SUGCT: variants seen among roughly 807,000 people sequenced by gnomAD.
The protein encoded by SUGCT is succinyl-CoA:glutarate-CoA transferase, also known as succinyl-CoA:glutarate CoA-transferase.
Under a neutral mutation model 55.0 loss-of-function variants are expected in SUGCT, and 41 were observed. The ratio of observed to expected loss-of-function variants is 0.74; its 90% CI spans 0.58 to 0.97. The LOEUF (loss-of-function observed/expected upper bound fraction) is 0.97. Among genes scored for constraint, SUGCT ranks in the 50% least tolerant of loss-of-function variants. SUGCT has a pLI of 0.00. For synonymous variants in SUGCT, 187 were observed against 200.4 expected (o/e 0.93, Z 0.56); for missense variants, 568 against 547.8 (o/e 1.04, Z -0.37).
intron 11 of SUGCT, among the ~76,000 whole-genome samples, chr7:40,481,494 G>A (rs991715036): frequency 6.6e-6 from 1 of 151,884 alleles, no homozygotes; most frequent in African/African-American, 2.4e-5. Context: ...TTGAGAGCCA[G>A]AAGTATTCTA....
At chr7:40,913,622 A>C in the SUGCT span, among the ~76,000 whole-genome samples, 2 of 152,210 alleles carry the variant, frequency 1.3e-5, no homozygotes, top group Admixed American at 1.3e-4. Context: ...TGACAACACA[A>C]GCATTTGTTC....
At chr7:40,308,357 ACGAAT>A (rs886358932) in intron 8 of SUGCT, among the ~76,000 whole-genome samples, 1 of 152,132 alleles carries the variant, frequency 6.6e-6, no homozygotes, top group Non-Finnish European at 1.5e-5. Flanking sequence ...GACCTAGTTG[ACGAAT>A]TAAGTATTAA....
chr7:40,930,083 G>T, the SUGCT span, among the ~76,000 whole-genome samples: 1 of 152,156 alleles, frequency 6.6e-6, no homozygotes, highest in Non-Finnish European at 1.5e-5. Context: ...AATCCATCTT[G>T]AATTAATTTT....
intron 9 of SUGCT, among the ~76,000 whole-genome samples, chr7:40,393,639 T>TAA (rs1383791786): frequency 6.6e-6 from 1 of 151,990 alleles, no homozygotes; most frequent in Non-Finnish European, 1.5e-5. Flanking sequence ...GTGTTGAAGA[T>TAA]AGAGGAGGGA....
At chr7:40,320,412 A>G (rs1035301932) in intron 9 of SUGCT, among the ~76,000 whole-genome samples, 12 of 152,120 alleles carry the variant, frequency 7.9e-5, no homozygotes, top group Non-Finnish European at 2.9e-5. Context: ...TTTAATGCAT[A>G]GATATGTTTC....
intron 12 of SUGCT, among the ~76,000 whole-genome samples, chr7:40,620,601 C>T (rs1455062092): frequency 6.6e-6 from 1 of 152,022 alleles, no homozygotes; most frequent in Non-Finnish European, 1.5e-5. Context: ...CGAGGTTTTG[C>T]CATGTTAGCC....
chr7:40,292,601 T>C (rs567963432), intron 8 of SUGCT, among the ~76,000 whole-genome samples: 4 of 152,208 alleles, frequency 2.6e-5, no homozygotes, highest in Non-Finnish European at 5.9e-5. Flanking sequence ...CAGGTCACAA[T>C]AGTAAAATGA....
At chr7:40,891,868 T>C in the SUGCT span, among the ~76,000 whole-genome samples, 5 of 151,840 alleles carry the variant, frequency 3.3e-5, no homozygotes, top group South Asian at 8.3e-4. Flanking sequence ...ATCAGCTGGG[T>C]GTGGTGGTGC....
rs544459065 is a variant in SUGCT at position 40,520,430 on chromosome 7, G to T, written c.1089+24044G>T. 2.6e-4 allele frequency among the ~76,000 whole-genome samples: 40 copies of T among 152,172 alleles called. 1 individual carries two copies. The South Asian group carries it at 7.7e-3, about 29-fold the overall frequency. The stretch of plus-strand genomic sequence containing the variant: ...CGTGAAGCTTAGCTTCATGGTTTAT[G>T]AAGTGGTGCAAATATCTATCTCCCA... On this transcript the variant is annotated intron_variant, in intron 12 of 13. Transcript: ENST00000335693.
intron 8 of SUGCT, among the ~76,000 whole-genome samples, chr7:40,282,869 A>C (rs556209238): frequency 2.2e-4 from 34 of 152,296 alleles, no homozygotes; most frequent in African/African-American, 7.9e-4. Flanking sequence ...CTATCTCTAA[A>C]TGTAAATAAA....
the SUGCT span, among the ~76,000 whole-genome samples, chr7:40,889,349 G>A: frequency 6.6e-6 from 1 of 152,212 alleles, no homozygotes; most frequent in Non-Finnish European, 1.5e-5. Context: ...TGAGGGTTAT[G>A]TGTTCTGTGG....
In SUGCT at chr7:40,695,656, T is replaced by G. The variant is rs1784896034; in HGVS notation, c.1090-53778T>G. ...ATATTACTGAGAGCTACAAAGGCTT[T>G]TTTTCAGACAGGTACAATTATTAGT... On this transcript the variant is annotated intron_variant, in intron 12 of 13. Transcript: ENST00000335693. Among the ~76,000 whole-genome samples, 3 of 152,320 alleles carry G rather than the reference T, an allele frequency of 2.0e-5. No homozygotes were observed. The South Asian group carries it at 6.2e-4, about 32-fold the overall frequency.
At chr7:40,818,989 A>G (rs970177677) in intron 13 of SUGCT, among the ~76,000 whole-genome samples, 5 of 136,766 alleles carry the variant, frequency 3.7e-5, no homozygotes, top group African/African-American at 1.4e-4. Flanking sequence ...CTTCCCACCT[A>G]TGAGCGAGAA....
At chr7:40,289,446 C>A (rs969597653) in intron 8 of SUGCT, among the ~76,000 whole-genome samples, 1 of 151,974 alleles carries the variant, frequency 6.6e-6, no homozygotes, top group East Asian at 1.9e-4. Flanking sequence ...TAAAATAGAG[C>A]AATTGTAACA....
At chr7:40,916,556 G>A in the SUGCT span, among the ~76,000 whole-genome samples, 5 of 152,336 alleles carry the variant, frequency 3.3e-5, no homozygotes, top group Admixed American at 3.3e-4. Flanking sequence ...ATAACATCAT[G>A]TGGGTAATAG....
chr7:40,897,625 G>A, the SUGCT span, among the ~76,000 whole-genome samples: 85 of 152,242 alleles, frequency 5.6e-4, no homozygotes, highest in African/African-American at 1.3e-3. Context: ...TTGTGTGGCC[G>A]TTGCAGTGGG....
intron 3 of SUGCT, among the ~76,000 whole-genome samples, chr7:40,186,778 A>G (rs1381678742): frequency 6.6e-6 from 1 of 152,182 alleles, no homozygotes; most frequent in East Asian, 1.9e-4. Context: ...ACTAGGGGAC[A>G]CGAGGCCAGG....
chr7:40,377,186 CTTTCTTTCTTTCTTTTCT>C lies in SUGCT; in HGVS notation c.816+60339_816+60356del, dbSNP rs1784612475. 3.7e-4 allele frequency among the ~76,000 whole-genome samples: 5 copies of C among 13,552 alleles called. 1 individual carries two copies. The highest frequency in any genetic ancestry group is 5.2e-4 in the African/African-American group (5 of 9,648). 8.9% of individuals were successfully genotyped at this position (13,552 alleles called of 152,430 possible). A position where few individuals can be genotyped will look rare whatever the true frequency, so the allele number is the denominator to read the frequency against. ...TCTTTCTTTCTTTCTTTCTTTCTTT[CTTTCTTTCTTTCTTTTCT>C]TTTCTTTTCTTTCTTTTCTTTCTTT... On this transcript the variant is annotated intron_variant, in intron 9 of 13. Coordinates refer to ENST00000335693, the MANE Select transcript of SUGCT (RefSeq NM_001193313.2).
At chr7:40,465,014 A>G (rs1790025748) in intron 11 of SUGCT, among the ~76,000 whole-genome samples, 1 of 152,228 alleles carries the variant, frequency 6.6e-6, no homozygotes, top group African/African-American at 2.4e-5. Context: ...TAAAGCAAGT[A>G]TATGTCAATG....
Sources: gnomAD v4.1 joint callset for allele counts (sites outside exome capture counted in the v4.1 genomes callset) on GRCh38, gnomAD v4.1.1 for gene constraint, MANE v1.5 for transcripts, NCBI Gene and HGNC (gene_info 2026-07-23, HGNC 2026-07-21) for gene names.